LYZL2: variants seen among roughly 807,000 people sequenced by gnomAD.
LYZL2 encodes lysozyme like 2.
In LYZL2, 13 loss-of-function variants were observed where a neutral mutation model predicts 17.1. The observed-to-expected ratio is 0.76, with a 90% CI of 0.49 to 1.21. The LOEUF (loss-of-function observed/expected upper bound fraction) is 1.21. LYZL2 is among the 50% of genes most tolerant of loss of function. The pLI is 0.00. For missense variants in LYZL2, 166 were observed against 189.2 expected (o/e 0.88, Z 0.72); for synonymous variants, 63 against 74.4 (o/e 0.85, Z 0.79).
In LYZL2 at chr10:30,611,996, T is replaced by TC. The variant is rs775323987; in HGVS notation, c.405dup (p.Arg136GlufsTer11). 7.4e-6 allele frequency: 12 copies of TC among 1,614,052 alleles called. No individual in the cohort carries two copies. The highest frequency in any genetic ancestry group is 1.6e-4 in the Middle Eastern group (1 of 6,062). ...TCTTTTTTCCAGTCGGACAGGTCTCTCCCCTCACAGTGTTTCTTCCAGCCT... is the reference window on the plus strand; with the variant it reads ...TCTTTTTTCCAGTCGGACAGGTCTCTCCCCCTCACAGTGTTTCTTCCAGCCT... On this transcript the variant is annotated frameshift_variant, in exon 5 of 5. Coordinates refer to ENST00000647634, the MANE Select transcript of LYZL2 (RefSeq NM_183058.3). LOFTEE classifies it high-confidence loss of function.
chr10:30,609,436 G>A (rs1019539830), downstream of LYZL2, among the ~76,000 whole-genome samples: 2 of 152,308 alleles, frequency 1.3e-5, no homozygotes, highest in South Asian at 2.1e-4. Flanking sequence ...CATCTGTAGG[G>A]AAATGATATA....
downstream of LYZL2, among the ~76,000 whole-genome samples, chr10:30,608,816 CA>C (rs555105176): frequency 2.6e-5 from 4 of 152,122 alleles, no homozygotes; most frequent in East Asian, 1.9e-4. Context: ...TCCAGTGGCA[CA>C]AAAAAACCCA....
At chr10:30,628,988 T>G (rs940956720) in intron 1 of LYZL2, among the ~76,000 whole-genome samples, 4 of 152,216 alleles carry the variant, frequency 2.6e-5, no homozygotes, top group African/African-American at 9.6e-5. Flanking sequence ...AGAGGCTGTA[T>G]AGACCACAAA....
intron 1 of LYZL2, 30 bp downstream of exon 1, chr10:30,629,563 G>A (rs76101300): frequency 6.6e-7 from 1 of 1,515,258 alleles, no homozygotes. Context: ...TCAGGGACAG[G>A]TGGCTTCATA....
intron 2 of LYZL2, among the ~76,000 whole-genome samples, chr10:30,626,466 G>T (rs1380127599): frequency 2.6e-5 from 4 of 152,230 alleles, no homozygotes; most frequent in Non-Finnish European, 5.9e-5. Flanking sequence ...TGCACACCCA[G>T]TCAGGGGCTG....
chr10:30,617,430 C>T (rs1838545859), intron 3 of LYZL2, among the ~76,000 whole-genome samples: 1 of 152,060 alleles, frequency 6.6e-6, no homozygotes, highest in African/African-American at 2.4e-5. Flanking sequence ...AATCCCAGCA[C>T]TTCAGGAGGC....
At chr10:30,629,142 C>G (rs1838766415) in intron 1 of LYZL2, among the ~76,000 whole-genome samples, 1 of 152,194 alleles carries the variant, frequency 6.6e-6, no homozygotes. Context: ...CCTGTAATCT[C>G]AGCACTTTGT....
In LYZL2 at chr10:30,611,953, G is replaced by A. The variant is rs751532940; in HGVS notation, c.*2C>T. 6.2e-7 allele frequency: 1 copy of A among 1,614,220 alleles called. No individual in the cohort carries two copies. Among genetic ancestry groups the A allele is most frequent in the Non-Finnish European group, 8.5e-7 (1 of 1,180,046 alleles). On this transcript the variant is annotated 3_prime_UTR_variant, in exon 5 of 5. Transcript: ENST00000647634. ...GCAAAGCATCCTGGGTCCAGTTCCAGTTTAGGAAACCTCACAGTCTTTTTT... is the reference window on the plus strand; with the variant it reads ...GCAAAGCATCCTGGGTCCAGTTCCAATTTAGGAAACCTCACAGTCTTTTTT...
Position 30,626,205 on chromosome 10 carries a change from A to G in LYZL2, c.198T>C (p.Asp66=). 1.9e-6 allele frequency: 3 copies of G among 1,614,246 alleles called. No homozygotes were observed. The South Asian group carries it at 3.3e-5, about 18-fold the overall frequency. Residue 66 remains aspartate, a synonymous_variant, in exon 3 of 5, where the codon GAT becomes GAC. Transcript: ENST00000647634. The stretch of plus-strand genomic sequence containing the variant: ...AGATGCCGTAGTCGATGCTGCCGTC[A>G]TCCAGGACCGTCTGGGCTGTGGTGT... ...GYNTTAQTVL[D]DGSIDYGIFQ... is the part of the protein sequence containing the mutation.
chr10:30,614,385 C>G (rs1443925972), intron 3 of LYZL2, among the ~76,000 whole-genome samples: 5 of 152,324 alleles, frequency 3.3e-5, no homozygotes, highest in Admixed American at 2.6e-4. Context: ...CAAGTCAGGC[C>G]CACATGCCAG....
intron 3 of LYZL2, among the ~76,000 whole-genome samples, chr10:30,622,467 T>C (rs1329766369): frequency 6.6e-6 from 1 of 151,618 alleles, no homozygotes; most frequent in Non-Finnish European, 1.5e-5. Flanking sequence ...AAGAATCACT[T>C]GAACCCAGGA....
In LYZL2 at chr10:30,617,052, G is replaced by T. The variant is rs151090717; in HGVS notation, c.299-4152C>A. Among the ~76,000 whole-genome samples the T allele has an allele frequency of 3.4e-3, 519 of 152,262 alleles. 3 individuals are homozygous for T. Among genetic ancestry groups the T allele is most frequent in the Non-Finnish European group, 5.7e-3 (390 of 68,020 alleles). Reference sequence around the variant, plus strand: ...ATGCTGAGACACTCGTTTGTGTTTGGAAGTGGTCTAGCGTATTTCCTGGGA... The same window carrying T: ...ATGCTGAGACACTCGTTTGTGTTTGTAAGTGGTCTAGCGTATTTCCTGGGA... On this transcript the variant is annotated intron_variant, in intron 3 of 4. Coordinates refer to ENST00000647634, the MANE Select transcript of LYZL2 (RefSeq NM_183058.3).
intron 1 of LYZL2, among the ~76,000 whole-genome samples, chr10:30,628,325 C>T (rs1838752662): frequency 6.6e-6 from 1 of 152,152 alleles, no homozygotes; most frequent in Non-Finnish European, 1.5e-5. Flanking sequence ...AGCTTCACAA[C>T]CAGTGCTCCG....
chr10:30,623,292 A>G (rs1838653530), intron 3 of LYZL2, among the ~76,000 whole-genome samples: 1 of 152,238 alleles, frequency 6.6e-6, no homozygotes, highest in African/African-American at 2.4e-5. Context: ...CACCAAATAT[A>G]AAATACACAT....
intron 3 of LYZL2, among the ~76,000 whole-genome samples, chr10:30,619,752 C>T (rs149456962): frequency 1.8e-3 from 267 of 151,944 alleles, no homozygotes; most frequent in African/African-American, 5.7e-3. Flanking sequence ...GAGTGCAGCA[C>T]ACCAAAATGG....
chr10:30,626,134 T>C lies in LYZL2; in HGVS notation c.269A>G (p.Glu90Gly), dbSNP rs773236425. The C allele has an allele frequency of 1.5e-5, 24 of 1,614,222 alleles. No individual in the cohort carries two copies. The Admixed American group carries it at 4.0e-4, about 27-fold the overall frequency. ...FAWCRRGKLK[E>G]NNHCHVACSA... ...GCAGGCGACGTGGCAGTGGTTGTTC[T>C]CCTTCAGCTTTCCGCGTCTGCACCA... The change falls in exon 3 of 5, where the codon GAG (glutamate) becomes GGG (glycine). Residue 90 changes from glutamate to glycine, a missense_variant. Glu to Gly is a moderately conservative substitution (Grantham distance 98). Around this residue, in one of 2 missense-constraint regions of LYZL2, gnomAD observed 134 missense variants for 129.4 expected, o/e 1.04. Transcript: ENST00000647634.
At chr10:30,624,543 CTAT>C (rs1838674322) in intron 3 of LYZL2, among the ~76,000 whole-genome samples, 1 of 152,170 alleles carries the variant, frequency 6.6e-6, no homozygotes, top group Non-Finnish European at 1.5e-5. Context: ...TAAGTAGAGT[CTAT>C]TAATATTCTC....
downstream of LYZL2, among the ~76,000 whole-genome samples, chr10:30,608,579 C>A (rs1302015443): frequency 6.6e-6 from 1 of 152,132 alleles, no homozygotes; most frequent in African/African-American, 2.4e-5. Context: ...TGAAGATCCC[C>A]GCAGGGCAGC....
rs34156491 is a variant in LYZL2, at chr10:30,613,499, G to GAAAA, written c.299-603_299-600dup. On this transcript the variant is annotated intron_variant, in intron 3 of 4. Transcript: ENST00000647634. ...GCAACAGAGTGAGACTCTGTCTTAAGAAAAAAAAAAAAAAGGCACATAAGA... is the reference window on the plus strand; with the variant it reads ...GCAACAGAGTGAGACTCTGTCTTAAGAAAAAAAAAAAAAAAAAAGGCACATAAGA... Among the ~76,000 whole-genome samples, 80 of 125,760 alleles carry GAAAA rather than the reference G, an allele frequency of 6.4e-4. 6 individuals are homozygous for GAAAA. Among genetic ancestry groups the GAAAA allele is most frequent in the Admixed American group, 1.3e-3 (16 of 12,340 alleles). The allele number at this position is 125,760 out of a possible 152,430, so 82.5% of individuals were successfully genotyped here.
Sources: allele counts gnomAD v4.1 joint callset (sites outside exome capture counted in the v4.1 genomes callset), GRCh38; gene constraint gnomAD v4.1.1; regional missense constraint gnomAD v4.1.1; transcripts MANE v1.5; gene names NCBI Gene and HGNC (gene_info 2026-07-23, HGNC 2026-07-21).